The following FBXO34 variants were observed in gnomAD, a reference collection of about 807,000 sequenced individuals.
The protein encoded by FBXO34 is F-box only protein 34.
FBXO34 carries 12 observed loss-of-function variants against 24.5 expected under a neutral mutation model. That is an observed-to-expected ratio of 0.49 (90% CI 0.31 to 0.79). The LOEUF (loss-of-function observed/expected upper bound fraction) is 0.79. Ranked by LOEUF, FBXO34 falls within the 30% of genes least tolerant of loss-of-function variation. The probability of loss-of-function intolerance (pLI) is 0.04; values close to 1 mark genes in which losing one functional copy is unlikely to be tolerated. For missense variants in FBXO34, 823 were observed against 857.7 expected (o/e 0.96, Z 0.51); for synonymous variants, 320 against 311.9 (o/e 1.03, Z -0.27).
At chr14:55,306,105 A>G (rs771865861) in intron 1 of FBXO34, among the ~76,000 whole-genome samples, 7 of 152,252 alleles carry the variant, frequency 4.6e-5, no homozygotes, top group Non-Finnish European at 5.9e-5. Flanking sequence ...ATTAAAAACA[A>G]TTTGAGTTTA....
chr14:55,403,512 CA>C, the FBXO34 span, among the ~76,000 whole-genome samples: 2 of 151,410 alleles, frequency 1.3e-5, no homozygotes, highest in Non-Finnish European at 2.9e-5. Context: ...AGTAAATAAA[CA>C]GAAAAATAAA....
At position 55,312,647 on chromosome 14, in the gene FBXO34, G is replaced by A. The variant is rs570294771; in HGVS notation, c.-10-37734G>A. Among the ~76,000 whole-genome samples the A allele has an allele frequency of 3.3e-5, 5 of 152,276 alleles. No individual in the cohort carries two copies. The South Asian group carries it at 8.3e-4, about 25-fold the overall frequency. ...TCTCAAACCTCAATTCTTGACTTTC[G>A]TGCACCTGCAGGCCCAACACCATGT... is the stretch of plus-strand genomic sequence containing the variant. On this transcript the variant is annotated intron_variant, in intron 1 of 1. Transcript: ENST00000313833.
downstream of FBXO34, chr14:55,369,609 T>A (rs765785216): frequency 4.0e-6 from 6 of 1,500,998 alleles, no homozygotes; most frequent in Non-Finnish European, 5.3e-6. Context: ...TATGTTTTGG[T>A]CCATGCTCGT....
the FBXO34 span, among the ~76,000 whole-genome samples, chr14:55,425,774 T>C: frequency 6.6e-6 from 1 of 152,234 alleles, no homozygotes; most frequent in Non-Finnish European, 1.5e-5. Flanking sequence ...TCATAGCCCC[T>C]GAAGGGCCTT....
chr14:55,331,723 A>G (rs1278729602), intron 1 of FBXO34, among the ~76,000 whole-genome samples: 19 of 43,652 alleles, frequency 4.4e-4, no homozygotes, highest in African/African-American at 2.9e-3. Flanking sequence ...ATATGTATAT[A>G]TATATGTATA....
At chr14:55,414,728 A>G in the FBXO34 span, among the ~76,000 whole-genome samples, 1 of 152,112 alleles carries the variant, frequency 6.6e-6, no homozygotes, top group African/African-American at 2.4e-5. Flanking sequence ...TGTTATCTCT[A>G]CATGTGCCAT....
chr14:55,363,717 T>C (rs1884623896), downstream of FBXO34, among the ~76,000 whole-genome samples: 1 of 152,152 alleles, frequency 6.6e-6, no homozygotes, highest in Non-Finnish European at 1.5e-5. Context: ...CCAACACAAA[T>C]TTGTAAACTT....
chr14:55,349,726 C>T (rs1884280083), intron 1 of FBXO34, among the ~76,000 whole-genome samples: 1 of 150,680 alleles, frequency 6.6e-6, no homozygotes, highest in Non-Finnish European at 1.5e-5. Context: ...TGTGCCTCAG[C>T]CTCTCGAGTA....
At chr14:55,289,428 C>T (rs1881868889) in intron 1 of FBXO34, among the ~76,000 whole-genome samples, 1 of 152,160 alleles carries the variant, frequency 6.6e-6, no homozygotes, top group Non-Finnish European at 1.5e-5. Flanking sequence ...TTTCTTCCTT[C>T]CCCTGTCTCT....
the FBXO34 span, among the ~76,000 whole-genome samples, chr14:55,380,875 A>ATATATATATATATATTTTTTTT: frequency 3.5e-5 from 4 of 112,700 alleles, no homozygotes; most frequent in Non-Finnish European, 7.0e-5. Flanking sequence ...ATATATATAT[A>ATATATATATATATATTTTTTTT]TTTTTTTTTT....
At chr14:55,343,980 T>TAG (rs1297985691) in intron 1 of FBXO34, among the ~76,000 whole-genome samples, 1 of 152,232 alleles carries the variant, frequency 6.6e-6, no homozygotes, top group Non-Finnish European at 1.5e-5. Context: ...AAGCTGAACT[T>TAG]AGAGTCTAAA....
At chr14:55,335,547 T>C (rs942836023) in intron 1 of FBXO34, 2 of 152,242 alleles carry the variant, frequency 1.3e-5, no homozygotes, top group African/African-American at 4.8e-5. Flanking sequence ...TAGGAACCTC[T>C]GTACAACCAA....
At chr14:55,322,241 C>T (rs554476611) in intron 1 of FBXO34, among the ~76,000 whole-genome samples, 5 of 148,676 alleles carry the variant, frequency 3.4e-5, no homozygotes, top group Admixed American at 2.0e-4. Flanking sequence ...ACCCGGGAGG[C>T]GGAGCTTGCA....
the FBXO34 span, among the ~76,000 whole-genome samples, chr14:55,389,367 T>C: frequency 1.3e-5 from 2 of 152,212 alleles, no homozygotes; most frequent in African/African-American, 4.8e-5. Flanking sequence ...CTTTGGAGAA[T>C]GCATGCAAGA....
chr14:55,354,449 A>G (rs1199417284), downstream of FBXO34: 4 of 152,254 alleles, frequency 2.6e-5, no homozygotes, highest in Admixed American at 1.3e-4. Context: ...ATGGCTCTAC[A>G]CTGGCCCAGC....
At chr14:55,414,449 T>G in the FBXO34 span, 3 of 1,603,312 alleles carry the variant, frequency 1.9e-6, no homozygotes, top group African/African-American at 1.3e-5. Flanking sequence ...AGAACGTTCT[T>G]TGGCACCTAT....
chr14:55,288,342 A>C (rs1881831336), intron 1 of FBXO34, among the ~76,000 whole-genome samples: 1 of 152,236 alleles, frequency 6.6e-6, no homozygotes, highest in African/African-American at 2.4e-5. Context: ...ATAAGTACAT[A>C]AAAATGGAAT....
At chr14:55,401,942 T>A in the FBXO34 span, among the ~76,000 whole-genome samples, 1 of 152,198 alleles carries the variant, frequency 6.6e-6, no homozygotes, top group East Asian at 1.9e-4. Flanking sequence ...GGGAAAACAA[T>A]GACGGGAGTA....
chr14:55,436,601 T>TC, the FBXO34 span: 1 of 1,614,082 alleles, frequency 6.2e-7, no homozygotes, highest in Non-Finnish European at 8.5e-7. Flanking sequence ...GAAATAGGGG[T>TC]CATTGGTGTC....
Sources: allele counts gnomAD v4.1 joint callset (sites outside exome capture counted in the v4.1 genomes callset), GRCh38; gene constraint gnomAD v4.1.1; transcripts MANE v1.5; gene names NCBI Gene and HGNC (gene_info 2026-07-23, HGNC 2026-07-21).